The following LUZP2 variants were observed in gnomAD, a reference collection of about 807,000 sequenced individuals.
The protein encoded by LUZP2 is leucine zipper protein 2.
In LUZP2, 52 loss-of-function variants were observed where a neutral mutation model predicts 51.6. The observed-to-expected ratio is 1.01, with a 90% CI of 0.81 to 1.27. The LOEUF (loss-of-function observed/expected upper bound fraction) is 1.27, where lower values mean the gene tolerates loss of function less well. Among genes scored for constraint, LUZP2 ranks in the 50% most tolerant of loss-of-function variants. The probability of loss-of-function intolerance (pLI) is 0.00; values close to 1 mark genes in which losing one functional copy is unlikely to be tolerated. For missense variants in LUZP2, 436 were observed against 395.4 expected (o/e 1.10, Z -0.87); for synonymous variants, 154 against 137.3 (o/e 1.12, Z -0.85).
chr11:24,899,478 C>T (rs1444205800), intron 5 of LUZP2, among the ~76,000 whole-genome samples: 1 of 151,506 alleles, frequency 6.6e-6, no homozygotes, highest in Non-Finnish European at 1.5e-5. Flanking sequence ...TATTAAATTA[C>T]ATGTAAATAC....
intron 1 of LUZP2, among the ~76,000 whole-genome samples, chr11:24,696,656 AG>A (rs1404503549): frequency 6.6e-6 from 1 of 152,158 alleles, no homozygotes; most frequent in African/African-American, 2.4e-5. Context: ...AAAGAAAAAA[AG>A]GTATAACTTT....
At chr11:24,524,718 GT>G (rs1850742275) in intron 1 of LUZP2, among the ~76,000 whole-genome samples, 1 of 151,708 alleles carries the variant, frequency 6.6e-6, no homozygotes, top group Non-Finnish European at 1.5e-5. Flanking sequence ...AAAAATGAGA[GT>G]AGTGTGCTAG....
chr11:24,694,788 G>A (rs1264912799), intron 1 of LUZP2, among the ~76,000 whole-genome samples: 2 of 151,998 alleles, frequency 1.3e-5, no homozygotes, highest in Admixed American at 1.3e-4. Flanking sequence ...GGATGAAGCT[G>A]GAAACCATTA....
chr11:24,882,195 A>G (rs923082250), intron 5 of LUZP2, among the ~76,000 whole-genome samples: 1 of 152,002 alleles, frequency 6.6e-6, no homozygotes, highest in Admixed American at 6.6e-5. Flanking sequence ...GGTCCAACAT[A>G]CTTTAAATAG....
intron 5 of LUZP2, among the ~76,000 whole-genome samples, chr11:24,807,589 A>G (rs1163095326): frequency 6.6e-6 from 1 of 152,134 alleles, no homozygotes; most frequent in Admixed American, 6.6e-5. Context: ...AAGAATGAAT[A>G]GTTGTGTAGA....
intron 7 of LUZP2, among the ~76,000 whole-genome samples, chr11:24,949,306 ATCTATCTATCTATCTATCTATCTATCTC>A (rs1447366916): frequency 4.4e-4 from 49 of 111,774 alleles, no homozygotes; most frequent in South Asian, 1.4e-3. Flanking sequence ...CTATCTATCT[ATCTATCTATCTATCTATCTATCTATCTC>A]TCTATCTATC....
chr11:24,675,698 A>G (rs1856519648), intron 1 of LUZP2, among the ~76,000 whole-genome samples: 1 of 152,130 alleles, frequency 6.6e-6, no homozygotes, highest in Non-Finnish European at 1.5e-5. Context: ...TTTGAATGAT[A>G]CATTCAAGAA....
chr11:24,644,198 C>T (rs1855396652), intron 1 of LUZP2, among the ~76,000 whole-genome samples: 1 of 152,120 alleles, frequency 6.6e-6, no homozygotes, highest in Non-Finnish European at 1.5e-5. Context: ...AGCCAGCACT[C>T]TCATTATCCT....
At chr11:24,925,275 T>A (rs1177466961) in intron 7 of LUZP2, among the ~76,000 whole-genome samples, 1 of 152,132 alleles carries the variant, frequency 6.6e-6, no homozygotes, top group Non-Finnish European at 1.5e-5. Flanking sequence ...TAATGAGGCA[T>A]GTCTGACCCC....
chr11:24,585,697 T>G (rs576681630), intron 1 of LUZP2, among the ~76,000 whole-genome samples: 1 of 152,208 alleles, frequency 6.6e-6, no homozygotes, highest in African/African-American at 2.4e-5. Context: ...TTAAGAGACC[T>G]TGTCTCTTAA....
intron 1 of LUZP2, among the ~76,000 whole-genome samples, chr11:24,518,087 A>G (rs1328608685): frequency 6.6e-6 from 1 of 152,182 alleles, no homozygotes; most frequent in Non-Finnish European, 1.5e-5. Flanking sequence ...TAAAAGGCCT[A>G]TAATTAATCA....
intron 1 of LUZP2, among the ~76,000 whole-genome samples, chr11:24,630,217 T>G (rs1052445568): frequency 1.3e-5 from 2 of 152,012 alleles, no homozygotes; most frequent in African/African-American, 2.4e-5. Flanking sequence ...TATCTATTTT[T>G]GTTTTTGTTG....
chr11:25,050,362 C>A (rs530403671), intron 10 of LUZP2, among the ~76,000 whole-genome samples: 1 of 122,448 alleles, frequency 8.2e-6, no homozygotes, highest in Non-Finnish European at 1.6e-5. Flanking sequence ...AGTGCAGTGG[C>A]ACAATCTCGG....
chr11:24,599,145 C>A (rs1355209), intron 1 of LUZP2, among the ~76,000 whole-genome samples: 126,768 of 152,114 alleles, frequency 0.83, 53,068 homozygotes, highest in East Asian at 1. Context: ...TCATCAACAA[C>A]GTGATGAAGA....
At chr11:24,763,822 T>C (rs1176842499) in intron 5 of LUZP2, among the ~76,000 whole-genome samples, 1 of 152,224 alleles carries the variant, frequency 6.6e-6, no homozygotes, top group Non-Finnish European at 1.5e-5. Context: ...CTTTATCTTG[T>C]TATACAATTA....
At chr11:24,957,224 T>C (rs1463959419) in intron 7 of LUZP2, among the ~76,000 whole-genome samples, 1 of 152,164 alleles carries the variant, frequency 6.6e-6, no homozygotes, top group Non-Finnish European at 1.5e-5. Flanking sequence ...CTAATTCTTT[T>C]TTAAATTGCA....
At chr11:24,900,024 C>T (rs1853225349) in intron 5 of LUZP2, among the ~76,000 whole-genome samples, 1 of 152,086 alleles carries the variant, frequency 6.6e-6, no homozygotes, top group Non-Finnish European at 1.5e-5. Context: ...CCATCTTTGC[C>T]AATGATAGCT....
chr11:24,815,083 C>T (rs938237000), intron 5 of LUZP2, among the ~76,000 whole-genome samples: 1 of 151,386 alleles, frequency 6.6e-6, no homozygotes. Context: ...TATTGATTTG[C>T]TAGGTTGAGA....
intron 8 of LUZP2, among the ~76,000 whole-genome samples, chr11:24,981,376 T>C (rs1856024129): frequency 6.6e-6 from 1 of 151,792 alleles, no homozygotes; most frequent in Non-Finnish European, 1.5e-5. Context: ...TGCTAATGCA[T>C]TGTAATTAGT....
Sources: gnomAD v4.1 joint callset for allele counts (sites outside exome capture counted in the v4.1 genomes callset) on GRCh38, gnomAD v4.1.1 for gene constraint, MANE v1.5 for transcripts, NCBI Gene and HGNC (gene_info 2026-07-23, HGNC 2026-07-21) for gene names.